Variants in ARSG observed in about 807,000 individuals in gnomAD.
ARSG encodes the protein arylsulfatase G, also known as ASG.
A neutral mutation model predicts 50.5 loss-of-function variants in ARSG; 37 were observed. The ratio of observed to expected loss-of-function variants is 0.73; its 90% CI spans 0.56 to 0.96. The LOEUF (loss-of-function observed/expected upper bound fraction) is 0.96, where lower values mean the gene tolerates loss of function less well. ARSG is among the 50% of genes least tolerant of loss of function. ARSG has a pLI of 0.00. For missense variants in ARSG, 629 were observed against 675.3 expected, an observed-to-expected ratio of 0.93 and a Z score of 0.76; for synonymous variants, 225 against 254.6, an observed-to-expected ratio of 0.88 and a Z score of 1.11.
the ARSG span, chr17:68,435,565 C>A: frequency 3.9e-6 from 6 of 1,550,830 alleles, no homozygotes; most frequent in Non-Finnish European, 5.3e-6. Flanking sequence ...TCCCTGCGCA[C>A]GGCAGGAGCC....
intron 8 of ARSG, among the ~76,000 whole-genome samples, chr17:68,371,181 G>A (rs537333083): frequency 3.3e-5 from 5 of 152,106 alleles, no homozygotes; most frequent in Admixed American, 6.5e-5. Flanking sequence ...TTAGCCGGGC[G>A]TGGTGGCGGG....
intron 2 of ARSG, among the ~76,000 whole-genome samples, chr17:68,320,551 G>A (rs1409818177): frequency 1.3e-5 from 2 of 152,130 alleles, no homozygotes; most frequent in South Asian, 4.1e-4. Flanking sequence ...CTCACTCTCC[G>A]GGGGGTGTTG....
At chr17:68,426,015 C>A (rs944783251), downstream of ARSG, 6 of 1,387,014 alleles carry the variant, frequency 4.3e-6, no homozygotes, top group African/African-American at 7.1e-5. Flanking sequence ...TCGTATGAGG[C>A]GAAGGTTTCC....
the ARSG span, among the ~76,000 whole-genome samples, chr17:68,449,355 C>T: frequency 1.3e-5 from 2 of 152,186 alleles, no homozygotes; most frequent in African/African-American, 4.8e-5. Flanking sequence ...TTTGGCCAAG[C>T]GTGGTGGCTC....
chr17:68,301,913 T>C (rs2076432250), intron 1 of ARSG, among the ~76,000 whole-genome samples: 1 of 152,034 alleles, frequency 6.6e-6, no homozygotes, highest in Admixed American at 6.6e-5. Context: ...TCGATGAGAT[T>C]GTCCCAGACC....
intron 1 of ARSG, among the ~76,000 whole-genome samples, chr17:68,306,537 T>C (rs1369471287): frequency 6.6e-6 from 1 of 152,232 alleles, no homozygotes; most frequent in Non-Finnish European, 1.5e-5. Flanking sequence ...AAAATTTTTT[T>C]AAATGTAGAA....
chr17:68,402,248 T>A (rs2081503392), intron 11 of ARSG, among the ~76,000 whole-genome samples: 1 of 151,914 alleles, frequency 6.6e-6, no homozygotes, highest in Non-Finnish European at 1.5e-5. Flanking sequence ...TTGTTGTTGT[T>A]TGTTTGTTTG....
intron 11 of ARSG, 56 bp downstream of exon 11, chr17:68,401,506 C>T (rs1003709029): frequency 6.6e-6 from 10 of 1,509,962 alleles, no homozygotes; most frequent in Non-Finnish European, 9.2e-6. Flanking sequence ...ACGGGGACCC[C>T]ATGGACTCTC....
At chr17:68,322,672 A>G (rs2077339948) in intron 2 of ARSG, among the ~76,000 whole-genome samples, 1 of 152,190 alleles carries the variant, frequency 6.6e-6, no homozygotes, top group Admixed American at 6.5e-5. Flanking sequence ...GCTGTTCCCA[A>G]GATGAGGACG....
intron 1 of ARSG, among the ~76,000 whole-genome samples, chr17:68,275,703 TG>T (rs1170978455): frequency 6.6e-6 from 1 of 152,140 alleles, no homozygotes; most frequent in African/African-American, 2.4e-5. Context: ...TTATCTTGGC[TG>T]GGTGCGGTGG....
rs948166210 is a variant in ARSG, at chr17:68,402,451, G to A, written c.1303+1001G>A. Among the ~76,000 whole-genome samples, 9 of 151,750 alleles carry A rather than the reference G, an allele frequency of 5.9e-5. No individual in the cohort carries two copies. In the South Asian group the frequency reaches 1.7e-3, roughly 28 times the overall value. On this transcript the variant is annotated intron_variant, in intron 11 of 11. Coordinates refer to ENST00000621439, the MANE Select transcript of ARSG (RefSeq NM_001267727.2). ...GTAGAGACTGTATTTCGTCATATTGGTCAGGCTGGTCTTGAACTCCTGACC... is the reference window on the plus strand; with the variant it reads ...GTAGAGACTGTATTTCGTCATATTGATCAGGCTGGTCTTGAACTCCTGACC...
intron 8 of ARSG, among the ~76,000 whole-genome samples, chr17:68,374,354 CAGAAGGTGT>C (rs1045122716): frequency 1.4e-4 from 6 of 41,388 alleles, no homozygotes; most frequent in African/African-American, 1.1e-3. Context: ...CCAGAAGGTG[CAGAAGGTGT>C]GGAGACCATG....
chr17:68,354,729 C>T (rs1340174014), intron 5 of ARSG, among the ~76,000 whole-genome samples: 2 of 151,952 alleles, frequency 1.3e-5, no homozygotes, highest in Non-Finnish European at 2.9e-5. Context: ...ACAAAAAATA[C>T]AAAAATTAGC....
At chr17:68,280,356 A>C (rs563897926) in intron 1 of ARSG, among the ~76,000 whole-genome samples, 5 of 152,296 alleles carry the variant, frequency 3.3e-5, no homozygotes, top group African/African-American at 1.2e-4. Context: ...AAAAGAACAA[A>C]GCTGGAGGCA....
intron 8 of ARSG, among the ~76,000 whole-genome samples, chr17:68,382,012 T>C: frequency 6.7e-6 from 1 of 150,202 alleles, no homozygotes. Context: ...GTGAAGTGGC[T>C]CAATTTTGGC....
rs62085877 is a variant in ARSG at position 68,385,152 on chromosome 17, C to T, written c.1071C>T (p.Val357=). 8,065 of 1,613,832 alleles carry T rather than the reference C, an allele frequency of 5.0e-3. 28 individuals carry two copies. Among genetic ancestry groups the T allele is most frequent in the Non-Finnish European group, 6.2e-3 (7,289 of 1,179,834 alleles). ...AYWPGRVPVN[V]TSTALLSVLD... ...GGCCTGGCAGAGTTCCAGTTAATGT[C>T]ACCAGCACTGCCTTGTTAAGGTATG... Residue 357 remains valine, a synonymous_variant, in exon 9 of 12, where the codon GTC becomes GTT. Coordinates refer to ENST00000621439, the MANE Select transcript of ARSG (RefSeq NM_001267727.2).
At chr17:68,420,012 C>A (rs1367740735) in intron 11 of ARSG, among the ~76,000 whole-genome samples, 177 bp from the exon 12 acceptor site, 1 of 152,082 alleles carries the variant, frequency 6.6e-6, no homozygotes, top group Non-Finnish European at 1.5e-5. Flanking sequence ...ACAGGATCAT[C>A]ACTGGAAGGA....
upstream of ARSG, among the ~76,000 whole-genome samples, chr17:68,290,243 C>G (rs1048294698): frequency 1.3e-5 from 2 of 152,166 alleles, no homozygotes; most frequent in African/African-American, 2.4e-5. Context: ...GGAGCTTTTT[C>G]TAAGACTGAC....
chr17:68,404,876 G>A (rs1410232405), intron 11 of ARSG, among the ~76,000 whole-genome samples: 1 of 152,074 alleles, frequency 6.6e-6, no homozygotes, highest in Non-Finnish European at 1.5e-5. Context: ...CATAAGTAAG[G>A]GTCCAACTTC....
Sources: gnomAD v4.1 joint callset for allele counts (sites outside exome capture counted in the v4.1 genomes callset) on GRCh38, gnomAD v4.1.1 for gene constraint, MANE v1.5 for transcripts, NCBI Gene and HGNC (gene_info 2026-07-23, HGNC 2026-07-21) for gene names.